Variants in JADE3 observed in about 807,000 individuals in gnomAD.
JADE3 encodes jade family PHD finger 3, also known as protein Jade-3.
A neutral mutation model predicts 50.1 loss-of-function variants in JADE3; 2 were observed. The ratio of observed to expected loss-of-function variants is 0.04; its 90% CI spans 0.02 to 0.13. JADE3 has a LOEUF of 0.13. Among genes scored for constraint, JADE3 ranks in the 10% least tolerant of loss-of-function variants. JADE3 has a pLI of 1.00. For synonymous variants in JADE3, 218 were observed against 232.9 expected (o/e 0.94, Z 0.58); for missense variants, 475 against 634.4 (o/e 0.75, Z 2.70).
At chrX:46,971,108 A>ATTTTT (rs199889056) in intron 1 of JADE3, among the ~76,000 whole-genome samples, 1 of 46,024 alleles carries the variant, frequency 2.2e-5, no homozygotes, top group African/African-American at 9.4e-5. Flanking sequence ...GGTAGTTGAA[A>ATTTTT]TTTTTTTTTT....
intron 3 of JADE3, among the ~76,000 whole-genome samples, chrX:46,992,980 C>A (rs1556356369): frequency 9.0e-6 from 1 of 110,868 alleles, no homozygotes; most frequent in African/African-American, 3.3e-5. Flanking sequence ...GTAGCCTTAT[C>A]TGATTCTTAA....
At chrX:46,956,480 C>T (rs782456814) in intron 1 of JADE3, among the ~76,000 whole-genome samples, 22 of 112,870 alleles carry the variant, frequency 1.9e-4, no homozygotes, top group African/African-American at 7.1e-4. Flanking sequence ...CTCTACCAGC[C>T]AGAATTATCA....
In JADE3 at chrX:46,972,945, A is replaced by G. The variant is rs1602390747; in HGVS notation, c.-11-11939A>G. ...GAGAGTTGTGTTCATTTGTTTATGT[A>G]CTGTCTATGGCTGCCTTCATGCTAC... On this transcript the variant is annotated intron_variant, in intron 1 of 10. Coordinates refer to ENST00000614628, the MANE Select transcript of JADE3 (RefSeq NM_014735.5). Among the ~76,000 whole-genome samples the G allele has an allele frequency of 2.7e-5, 3 of 112,237 alleles. No individual in the cohort carries two copies. The South Asian group carries it at 1.1e-3, about 42-fold the overall frequency.
intron 1 of JADE3, among the ~76,000 whole-genome samples, chrX:46,946,523 G>A (rs1216824924): frequency 1.8e-5 from 2 of 112,257 alleles, no homozygotes; most frequent in African/African-American, 6.5e-5. Context: ...AATTAAAATA[G>A]TGCCTCCATG....
chrX:46,938,384 A>T lies in JADE3; in HGVS notation c.-12+25665A>T, dbSNP rs1303935030. 2.7e-5 allele frequency among the ~76,000 whole-genome samples: 3 copies of T among 111,367 alleles called. No homozygotes were observed. In the East Asian group the frequency reaches 8.4e-4, roughly 31 times the overall value. ...TAGGGATTATAATATACATAGTTTTATACAGTCTACTTAGAGTAAGTGCTT... is the reference window on the plus strand; with the variant it reads ...TAGGGATTATAATATACATAGTTTTTTACAGTCTACTTAGAGTAAGTGCTT... On this transcript the variant is annotated intron_variant, in intron 1 of 10. Coordinates refer to ENST00000614628, the MANE Select transcript of JADE3 (RefSeq NM_014735.5).
intron 10 of JADE3, 117 bp from the exon 11 acceptor site, chrX:47,058,050 C>T: frequency 1.7e-6 from 1 of 594,174 alleles, no homozygotes; most frequent in Non-Finnish European, 2.7e-6. Context: ...ACATACATAG[C>T]AGAGCCAGGT....
At chrX:46,922,772 TATTA>T (rs782725268) in intron 1 of JADE3, among the ~76,000 whole-genome samples, 3 of 111,574 alleles carry the variant, frequency 2.7e-5, no homozygotes, top group Non-Finnish European at 5.6e-5. Context: ...GTCTTTAAGA[TATTA>T]ATCATAGTTC....
At chrX:46,996,073 G>T (rs1319844456) in intron 3 of JADE3, among the ~76,000 whole-genome samples, 1 of 112,259 alleles carries the variant, frequency 8.9e-6, no homozygotes, top group South Asian at 3.7e-4. Context: ...GTCTCGCTCT[G>T]TCGCCCAGGC....
intron 1 of JADE3, among the ~76,000 whole-genome samples, chrX:46,914,004 G>A (rs1468253847): frequency 8.1e-5 from 9 of 111,408 alleles, no homozygotes; most frequent in South Asian, 7.6e-4. Context: ...GATTCCAGTG[G>A]TGGCCTGGAG....
At chrX:46,990,949 G>A (rs1231366171) in intron 3 of JADE3, among the ~76,000 whole-genome samples, 3 of 107,968 alleles carry the variant, frequency 2.8e-5, no homozygotes, top group East Asian at 2.9e-4. Flanking sequence ...CATACAATAC[G>A]TGCCCTTTGT....
intron 4 of JADE3, among the ~76,000 whole-genome samples, chrX:47,022,631 C>T (rs1556364707): frequency 9.0e-6 from 1 of 111,292 alleles, no homozygotes; most frequent in African/African-American, 3.3e-5. Context: ...AGAAGCCTTC[C>T]GGAGAAATGA....
chrX:47,043,810 C>T (rs1301648134), intron 8 of JADE3, among the ~76,000 whole-genome samples: 1 of 100,820 alleles, frequency 9.9e-6, no homozygotes, highest in Non-Finnish European at 2.0e-5. Context: ...CAGAGTGAGA[C>T]TCTGTTTCAA....
chrX:46,939,566 G>A (rs1237287746), intron 1 of JADE3, among the ~76,000 whole-genome samples: 1 of 111,793 alleles, frequency 8.9e-6, no homozygotes, highest in Admixed American at 9.5e-5. Context: ...GAGTTTTGTA[G>A]CTTTACATAC....
chrX:46,984,059 A>G (rs1204251849), intron 1 of JADE3, among the ~76,000 whole-genome samples: 1 of 112,379 alleles, frequency 8.9e-6, no homozygotes, highest in East Asian at 2.8e-4. Flanking sequence ...GTTGTGGCAC[A>G]TAAAAGAATG....
chrX:47,031,872 AT>A (rs1292358996), intron 6 of JADE3, among the ~76,000 whole-genome samples: 1 of 111,142 alleles, frequency 9.0e-6, no homozygotes, highest in African/African-American at 3.3e-5. Context: ...CTCAAAAAAA[AT>A]AATAATAAAA....
chrX:47,025,227 C>T (rs1483551907), intron 5 of JADE3, among the ~76,000 whole-genome samples: 1 of 111,779 alleles, frequency 8.9e-6, no homozygotes, highest in African/African-American at 3.3e-5. Flanking sequence ...GCTGATTGGC[C>T]ATAGCTGATT....
At chrX:47,019,749 A>G (rs982241148) in intron 4 of JADE3, among the ~76,000 whole-genome samples, 2 of 111,750 alleles carry the variant, frequency 1.8e-5, no homozygotes, top group Non-Finnish European at 3.8e-5. Context: ...GGAGGAGGCC[A>G]TAGATCAGGT....
chrX:46,957,110 C>G (rs1015036224), intron 1 of JADE3, among the ~76,000 whole-genome samples: 2 of 111,558 alleles, frequency 1.8e-5, no homozygotes, highest in Non-Finnish European at 3.8e-5. Context: ...TAGGCATGAG[C>G]CACCATTTTT....
intron 5 of JADE3, among the ~76,000 whole-genome samples, chrX:47,025,601 C>T (rs1928890059): frequency 9.0e-6 from 1 of 111,512 alleles, no homozygotes; most frequent in Non-Finnish European, 1.9e-5. Context: ...AAATGTGTGC[C>T]ATACAATACC....
Sources: allele counts gnomAD v4.1 joint callset (sites outside exome capture counted in the v4.1 genomes callset), GRCh38; gene constraint gnomAD v4.1.1; transcripts MANE v1.5; gene names NCBI Gene and HGNC (gene_info 2026-07-23, HGNC 2026-07-21).